Variants in IFT140 observed in about 807,000 individuals in gnomAD.
IFT140 encodes the protein intraflagellar transport 140, also known as intraflagellar transport protein 140 homolog.
A neutral mutation model predicts 164.6 loss-of-function variants in IFT140; 133 were observed. The ratio of observed to expected loss-of-function variants is 0.81; its 90% confidence interval spans 0.70 to 0.93. IFT140 has a LOEUF of 0.93. Ranked by LOEUF, IFT140 falls within the 40% of genes least tolerant of loss-of-function variation. The pLI is 0.00. For missense variants in IFT140, 2,045 were observed against 1,972.3 expected (o/e 1.04, Z -0.70); for synonymous variants, 860 against 817.3 (o/e 1.05, Z -0.89).
intron 12 of IFT140, among the ~76,000 whole-genome samples, chr16:1,582,044 G>A (rs2034599727): frequency 6.6e-6 from 1 of 152,132 alleles, no homozygotes; most frequent in Admixed American, 6.5e-5. Flanking sequence ...GGCCTCCTGT[G>A]TGGGCAGGCG....
intron 19 of IFT140, among the ~76,000 whole-genome samples, chr16:1,540,105 GGATGCTGGGAC>G (rs1395247905): frequency 6.6e-6 from 1 of 152,308 alleles, no homozygotes; most frequent in African/African-American, 2.4e-5. Context: ...GTGCCTCCAG[GGATGCTGGGAC>G]GCCGAAAGCC....
chr16:1,571,903 G>A (rs1242490470), intron 13 of IFT140, among the ~76,000 whole-genome samples: 1 of 152,206 alleles, frequency 6.6e-6, no homozygotes, highest in Non-Finnish European at 1.5e-5. Context: ...GCCAGGCACG[G>A]AGAGAGGGCG....
chr16:1,527,138 C>A, intron 19 of IFT140: 1 of 318,988 alleles, frequency 3.1e-6, no homozygotes. Context: ...CTTGCACACA[C>A]AGGACCTGCT....
chr16:1,563,828 A>G (rs2033561156), intron 17 of IFT140, among the ~76,000 whole-genome samples, 169 bp downstream of exon 17: 1 of 152,130 alleles, frequency 6.6e-6, no homozygotes. Context: ...GTCTCAATAT[A>G]TTGCCCAGGC....
intron 30 of IFT140, among the ~76,000 whole-genome samples, chr16:1,516,283 T>C (rs8051374): frequency 0.43 from 64,992 of 150,576 alleles, 16,599 homozygotes; most frequent in African/African-American, 0.71. Flanking sequence ...ATTATAACAC[T>C]ATACTGTGTT....
At chr16:1,556,829 G>C (rs1460606486) in intron 19 of IFT140, among the ~76,000 whole-genome samples, 1 of 152,018 alleles carries the variant, frequency 6.6e-6, no homozygotes, top group Admixed American at 6.6e-5. Context: ...GTTTTCTTTT[G>C]GACGGAGTCT....
At chr16:1,595,893 A>G (rs930413620) in intron 4 of IFT140, among the ~76,000 whole-genome samples, 3 of 152,062 alleles carry the variant, frequency 2.0e-5, no homozygotes, top group African/African-American at 7.2e-5. Context: ...TCTCTACTAA[A>G]AATATAAATA....
rs2030515381 is a variant in IFT140, at chr16:1,531,729, C to A, written c.2400-4933G>T. On this transcript the variant is annotated intron_variant, in intron 19 of 30. Transcript: ENST00000426508. This position sits in a 1 kb window ranked among gnomAD's most constrained non-coding sequence, Gnocchi z 4.7. ...TTAGAAGCGGCGTGACAGCTGAGGG[C>A]ACAGGGACCTGGAGCACCCCAGAAG... The A allele has an allele frequency of 6.6e-6, 1 of 152,328 alleles. No homozygotes were observed. The highest frequency in any genetic ancestry group is 2.4e-5 in the African/African-American group (1 of 41,474). 9.4% of individuals were successfully genotyped at this position (152,328 alleles called of 1,614,324 possible).
At chr16:1,555,742 C>T (rs1322895957) in intron 19 of IFT140, among the ~76,000 whole-genome samples, 2 of 152,112 alleles carry the variant, frequency 1.3e-5, no homozygotes, top group East Asian at 3.9e-4. Context: ...GTCTCAGAAG[C>T]CCAAGTCCTT....
At chr16:1,534,193 T>C in intron 19 of IFT140, 1 of 1,563,688 alleles carries the variant, frequency 6.4e-7, no homozygotes. Context: ...TAGCCACCCC[T>C]AGCAGCGTCG....
intron 19 of IFT140, among the ~76,000 whole-genome samples, chr16:1,549,966 TTTTTTC>T (rs1223240999): frequency 6.6e-6 from 1 of 152,184 alleles, no homozygotes; most frequent in African/African-American, 2.4e-5. Flanking sequence ...TTCTGAGTCT[TTTTTTC>T]TTTTTCTTCT....
intron 15 of IFT140, 89 bp from the exon 16 acceptor site, chr16:1,566,380 C>T: frequency 7.8e-7 from 1 of 1,289,518 alleles, no homozygotes; most frequent in South Asian, 1.3e-5. Flanking sequence ...CAGCACATGT[C>T]AAGAGAAACA....
intron 3 of IFT140, among the ~76,000 whole-genome samples, chr16:1,604,262 G>A (rs1336671420): frequency 5.7e-5 from 7 of 121,840 alleles, no homozygotes; most frequent in East Asian, 5.4e-4. Context: ...GCGCTGCATC[G>A]CGCTGCAAGG....
At chr16:1,511,421 G>C (rs1389701034) in intron 30 of IFT140, among the ~76,000 whole-genome samples, 1 of 152,220 alleles carries the variant, frequency 6.6e-6, no homozygotes, top group Non-Finnish European at 1.5e-5. Context: ...CAGGGCCCTG[G>C]AAAGTCCCTC....
rs1306694239 is a variant in IFT140 at position 1,526,160 on chromosome 16, C to T, written c.2578-83G>A. The T allele has an allele frequency of 2.6e-5, 34 of 1,307,948 alleles. No homozygotes were observed. In the South Asian group the frequency reaches 4.1e-4, roughly 16 times the overall value. The allele number at this position is 1,307,948 out of a possible 1,614,324, so 81.0% of individuals were successfully genotyped here. A position where few individuals can be genotyped will look rare whatever the true frequency, so the allele number is the denominator to read the frequency against. ...CACTGTTCCACGCCAGGCCACCGGT[C>T]ACCGCACCTTCCCACACCGCCAAGC... On this transcript the variant is annotated intron_variant, in intron 20 of 30. Transcript: ENST00000426508.
In IFT140 at chr16:1,533,550, C is replaced by T. The variant is rs1436541155; in HGVS notation, c.2400-6754G>A. The T allele has an allele frequency of 1.3e-5, 2 of 152,360 alleles. No individual in the cohort carries two copies. Among genetic ancestry groups the T allele is most frequent in the Non-Finnish European group, 2.9e-5 (2 of 68,132 alleles). The allele number at this position is 152,360 out of a possible 1,614,324, so 9.4% of individuals were successfully genotyped here. A position where few individuals can be genotyped will look rare whatever the true frequency, so the allele number is the denominator to read the frequency against. On this transcript the variant is annotated intron_variant, in intron 19 of 30. Transcript: ENST00000426508. The surrounding 1 kb of genome is among the most constrained non-coding windows in gnomAD (Gnocchi z 4.7). ...GCCTGGAGCAGGGCCTCAGAAGTCT[C>T]CTGGCCTTTCCCATCAGGAAGCACA... is the stretch of plus-strand genomic sequence containing the variant.
intron 19 of IFT140, chr16:1,541,797 G>A: frequency 8.4e-7 from 1 of 1,190,918 alleles, no homozygotes; most frequent in Non-Finnish European, 1.2e-6. Flanking sequence ...CTGCCCAATG[G>A]AGGCACAGCC....
intron 30 of IFT140, among the ~76,000 whole-genome samples, chr16:1,513,602 G>A (rs1401431245): frequency 3.3e-5 from 5 of 152,232 alleles, no homozygotes; most frequent in East Asian, 1.9e-4. Context: ...AAGGCACTGG[G>A]GGCAGCCGTG....
intron 19 of IFT140, among the ~76,000 whole-genome samples, chr16:1,537,910 C>G (rs1314493648): frequency 6.6e-6 from 1 of 152,206 alleles, no homozygotes; most frequent in Non-Finnish European, 1.5e-5. Flanking sequence ...AAGACCCTGC[C>G]TGAATACAGG....
Sources: gnomAD v4.1 joint callset for allele counts (sites outside exome capture counted in the v4.1 genomes callset) on GRCh38, gnomAD v4.1.1 for gene constraint, Gnocchi (gnomAD v3.1) non-coding constraint, MANE v1.5 for transcripts, NCBI Gene and HGNC (gene_info 2026-07-23, HGNC 2026-07-21) for gene names.